The following LITAF variants were observed in gnomAD, a reference collection of about 807,000 sequenced individuals.
LITAF encodes lipopolysaccharide induced TNF factor.
A neutral mutation model predicts 14.5 loss-of-function variants in LITAF; 9 were observed. The observed-to-expected ratio is 0.62, with a 90% CI of 0.37 to 1.08. LITAF has a LOEUF of 1.08. LITAF is among the 50% of genes least tolerant of loss of function. The pLI is 0.01. For synonymous variants in LITAF, 98 were observed against 88.2 expected (o/e 1.11, Z -0.62); for missense variants, 206 against 213.4 (o/e 0.97, Z 0.22).
At chr16:11,624,724 C>A (rs1001260975) in intron 3 of LITAF, among the ~76,000 whole-genome samples, 2 of 152,154 alleles carry the variant, frequency 1.3e-5, no homozygotes, top group African/African-American at 4.8e-5. Flanking sequence ...GAAGTGTGAT[C>A]GACTGAAAAT....
chr16:11,571,096 C>T (rs1463777560), intron 1 of LITAF, among the ~76,000 whole-genome samples: 1 of 152,118 alleles, frequency 6.6e-6, no homozygotes, highest in Non-Finnish European at 1.5e-5. Context: ...GAGTCCAAGT[C>T]TCACTCTGTC....
At chr16:11,607,265 A>G (rs1244852186) in intron 3 of LITAF, among the ~76,000 whole-genome samples, 1 of 152,230 alleles carries the variant, frequency 6.6e-6, no homozygotes, top group Admixed American at 6.5e-5. Context: ...AGAGGATGCA[A>G]TGTGATACTC....
At chr16:11,619,721 C>T (rs2065039016) in intron 3 of LITAF, among the ~76,000 whole-genome samples, 2 of 151,900 alleles carry the variant, frequency 1.3e-5, no homozygotes, top group Non-Finnish European at 2.9e-5. Context: ...TGCATGCCAC[C>T]ACATCTGGTT....
chr16:11,567,825 T>C (rs954016707), intron 1 of LITAF, among the ~76,000 whole-genome samples: 6 of 151,114 alleles, frequency 4.0e-5, no homozygotes, highest in Admixed American at 2.6e-4. Context: ...CTCTAATAAA[T>C]ACACAAAAAT....
intron 3 of LITAF, among the ~76,000 whole-genome samples, chr16:11,619,059 C>G (rs1220583117): frequency 2.0e-5 from 3 of 151,412 alleles, no homozygotes; most frequent in Non-Finnish European, 2.9e-5. Flanking sequence ...GCCTGTAATC[C>G]CAGCACTTTG....
At chr16:11,565,945 G>T (rs551483452) in intron 1 of LITAF, among the ~76,000 whole-genome samples, 4 of 151,856 alleles carry the variant, frequency 2.6e-5, no homozygotes, top group Non-Finnish European at 5.9e-5. Context: ...GACCCCCTGG[G>T]TTCCTCCAGG....
intron 1 of LITAF, among the ~76,000 whole-genome samples, chr16:11,572,924 C>A (rs1235559607): frequency 7.6e-6 from 1 of 131,456 alleles, no homozygotes; most frequent in African/African-American, 3.1e-5. Context: ...TTCTGCACAT[C>A]TCAAGCTCTT....
intron 3 of LITAF, among the ~76,000 whole-genome samples, chr16:11,616,347 C>T (rs375503119): frequency 3.3e-4 from 50 of 151,918 alleles, no homozygotes; most frequent in Non-Finnish European, 5.9e-4. Flanking sequence ...CATGGTAGCA[C>T]GTGACTGTGT....
At chr16:11,554,329 A>G (rs1173291268) in intron 2 of LITAF, among the ~76,000 whole-genome samples, 1 of 152,222 alleles carries the variant, frequency 6.6e-6, no homozygotes, top group Admixed American at 6.5e-5. Flanking sequence ...ATAAACTCTG[A>G]CAGCCAATGA....
chr16:11,602,792 T>A (rs1464085598), upstream of LITAF, among the ~76,000 whole-genome samples: 1 of 149,152 alleles, frequency 6.7e-6, no homozygotes, highest in Non-Finnish European at 1.5e-5. Context: ...TTGGAAAGCC[T>A]TGAAATGGAA....
intron 1 of LITAF, among the ~76,000 whole-genome samples, chr16:11,564,119 A>G (rs1394254525): frequency 2.0e-5 from 3 of 152,052 alleles, no homozygotes; most frequent in Admixed American, 1.3e-4. Context: ...CATGTTGGCC[A>G]GGCTGCTCTC....
chr16:11,635,625 G>C (rs2141913551), intron 2 of LITAF, among the ~76,000 whole-genome samples: 1 of 152,308 alleles, frequency 6.6e-6, no homozygotes, highest in South Asian at 2.1e-4. Flanking sequence ...GGCCGCAGTA[G>C]CCTCTGACCC....
chr16:11,573,564 C>T (rs2064579777), intron 1 of LITAF, among the ~76,000 whole-genome samples: 1 of 152,156 alleles, frequency 6.6e-6, no homozygotes, highest in Admixed American at 6.6e-5. Context: ...GATGGTCCCT[C>T]CCCACAAGGT....
intron 1 of LITAF, among the ~76,000 whole-genome samples, chr16:11,576,554 A>AAAAAAAAAAAAAAAAAGAC (rs1555469756): frequency 2.6e-5 from 3 of 116,658 alleles, no homozygotes; most frequent in South Asian, 2.8e-4. Flanking sequence ...AAAAAAAAAA[A>AAAAAAAAAAAAAAAAAGAC]AGAGAGAGAG....
rs1191501746 is a variant in LITAF at position 11,547,747 on chromosome 16, C to G, written c.*1890G>C. On this transcript the variant is annotated 3_prime_UTR_variant, in exon 4 of 4. Transcript: ENST00000622633. ...TTCTCTTTTGTGCATTTTATTAAAA[C>G]TTGAAAGCTATGGCTTGCCGCCATC... is the stretch of plus-strand genomic sequence containing the variant. The G allele has an allele frequency of 8.8e-6, 4 of 452,108 alleles. No homozygotes were observed. Among genetic ancestry groups the G allele is most frequent in the Admixed American group, 7.1e-5 (3 of 42,380 alleles). 28.0% of individuals were successfully genotyped at this position (452,108 alleles called of 1,614,324 possible).
chr16:11,611,197 G>A (rs2141878309), intron 3 of LITAF, among the ~76,000 whole-genome samples: 1 of 152,120 alleles, frequency 6.6e-6, no homozygotes, highest in Non-Finnish European at 1.5e-5. Flanking sequence ...TTTTTAATTA[G>A]CCAGGCGTGG....
intron 1 of LITAF, among the ~76,000 whole-genome samples, chr16:11,584,555 C>G (rs1179717399): frequency 1.3e-5 from 2 of 152,214 alleles, no homozygotes; most frequent in Non-Finnish European, 2.9e-5. Context: ...TCTTCCACAG[C>G]TCTACTGAGA....
At chr16:11,639,415 T>A (rs1479787929), upstream of LITAF, among the ~76,000 whole-genome samples, 1 of 129,340 alleles carries the variant, frequency 7.7e-6, no homozygotes, top group Non-Finnish European at 1.6e-5. Flanking sequence ...GATGGATGGT[T>A]AGAAGGAGGG....
At chr16:11,619,010 C>CA (rs1056871069) in intron 3 of LITAF, among the ~76,000 whole-genome samples, 5 of 149,018 alleles carry the variant, frequency 3.4e-5, no homozygotes, top group South Asian at 2.1e-4. Flanking sequence ...AACAAACAAA[C>CA]AAAAAAAACC....
Sources: gnomAD v4.1 joint callset for allele counts (sites outside exome capture counted in the v4.1 genomes callset) on GRCh38, gnomAD v4.1.1 for gene constraint, MANE v1.5 for transcripts, NCBI Gene and HGNC (gene_info 2026-07-23, HGNC 2026-07-21) for gene names.